Variants in PCDH15 observed in about 807,000 individuals in gnomAD.
PCDH15 encodes the protein protocadherin-15.
A neutral mutation model predicts 178.5 loss-of-function variants in PCDH15; 129 were observed. That is an observed-to-expected ratio of 0.72 (90% CI 0.63 to 0.84). The LOEUF (loss-of-function observed/expected upper bound fraction) is 0.84, where lower values mean the gene tolerates loss of function less well. Among genes scored for constraint, PCDH15 ranks in the 40% least tolerant of loss-of-function variants. The pLI, the probability that PCDH15 is intolerant of heterozygous loss-of-function variation, is 0.00. For synonymous variants in PCDH15, 800 were observed against 732.0 expected (o/e 1.09, Z -1.50); for missense variants, 2,230 against 2,099.9 (o/e 1.06, Z -1.21).
intron 2 of PCDH15, among the ~76,000 whole-genome samples, chr10:54,921,541 T>C (rs1349471397): frequency 6.6e-6 from 1 of 152,106 alleles, no homozygotes; most frequent in South Asian, 2.1e-4. Context: ...TGTCCATGTG[T>C]TCTCAACATT....
rs1201209566 is a variant in PCDH15, at chr10:54,195,763, GGGCAGATTCCAGGATATAGCCTT to G, written c.1202_1224del (p.Gln401ProfsTer39). The stretch of plus-strand genomic sequence containing the variant: ...CTGTCCGAAATGGTTGCTCCCACTG[GGGCAGATTCCAGGATATAGCCTT>G]GATAACTGGGCATTGTAAAATATGG... On this transcript the variant is annotated frameshift_variant, in exon 11 of 38. Coordinates refer to ENST00000644397, the MANE Select transcript of PCDH15 (RefSeq NM_001384140.1). LOFTEE classifies it high-confidence loss of function. 1 of 1,613,924 alleles carries G rather than the reference GGGCAGATTCCAGGATATAGCCTT, an allele frequency of 6.2e-7. No individual in the cohort carries two copies. Among genetic ancestry groups the G allele is most frequent in the East Asian group, 2.2e-5 (1 of 44,878 alleles).
At chr10:54,024,003 G>A (rs2093008028) in intron 18 of PCDH15, among the ~76,000 whole-genome samples, 1 of 152,066 alleles carries the variant, frequency 6.6e-6, no homozygotes, top group Non-Finnish European at 1.5e-5. Flanking sequence ...TAACTGTAAT[G>A]TATGTGCAAG....
chr10:54,104,068 G>T (rs1450843014), intron 15 of PCDH15, among the ~76,000 whole-genome samples: 1 of 152,174 alleles, frequency 6.6e-6, no homozygotes, highest in African/African-American at 2.4e-5. Context: ...TGTTGGGGCT[G>T]GCTCCTGAGG....
chr10:53,918,849 T>C (rs943150929), intron 25 of PCDH15, among the ~76,000 whole-genome samples: 2 of 152,128 alleles, frequency 1.3e-5, no homozygotes, highest in African/African-American at 4.8e-5. Context: ...TATTACTGTA[T>C]AGTTTGTAGG....
chr10:55,430,451 C>T (rs749559543), intron 2 of PCDH15, among the ~76,000 whole-genome samples: 1 of 152,078 alleles, frequency 6.6e-6, no homozygotes, highest in African/African-American at 2.4e-5. Context: ...ATGTAATATT[C>T]AGTAGAATTT....
At chr10:54,885,125 A>G (rs1323727045) in intron 3 of PCDH15, among the ~76,000 whole-genome samples, 2 of 152,102 alleles carry the variant, frequency 1.3e-5, no homozygotes, top group Non-Finnish European at 2.9e-5. Context: ...TGAATGAATG[A>G]TCTTGAAAAT....
chr10:54,368,194 T>A (rs535966200), intron 5 of PCDH15, among the ~76,000 whole-genome samples: 1 of 152,132 alleles, frequency 6.6e-6, no homozygotes, highest in Non-Finnish European at 1.5e-5. Context: ...AACACAAGAA[T>A]GTTGAAATAA....
chr10:55,104,946 T>C (rs1464626702), intron 2 of PCDH15, among the ~76,000 whole-genome samples: 2 of 152,140 alleles, frequency 1.3e-5, no homozygotes, highest in African/African-American at 2.4e-5. Flanking sequence ...CCTCATGGGG[T>C]GTTTTAAGCA....
intron 32 of PCDH15, chr10:53,823,709 C>A: frequency 2.2e-6 from 1 of 451,344 alleles, no homozygotes; most frequent in Non-Finnish European, 4.3e-6. Flanking sequence ...AATCACAGTT[C>A]TTCCCATTGC....
At chr10:54,895,282 G>A (rs1299550730) in intron 3 of PCDH15, among the ~76,000 whole-genome samples, 2 of 151,994 alleles carry the variant, frequency 1.3e-5, no homozygotes, top group African/African-American at 2.4e-5. Context: ...TACTGCCTCA[G>A]GGATTATACT....
chr10:55,170,025 C>G (rs1839290225), intron 1 of PCDH15, among the ~76,000 whole-genome samples: 1 of 151,936 alleles, frequency 6.6e-6, no homozygotes, highest in African/African-American at 2.4e-5. Flanking sequence ...GGAGGAAGGA[C>G]ATTAAGTAGG....
At chr10:55,485,072 G>A (rs544876154) in intron 2 of PCDH15, among the ~76,000 whole-genome samples, 2 of 151,698 alleles carry the variant, frequency 1.3e-5, no homozygotes, top group South Asian at 2.1e-4. Context: ...GCCCAGCAAA[G>A]GAAACAATCA....
At position 54,486,895 on chromosome 10, in the gene PCDH15, G is replaced by A. The variant is rs369553489; in HGVS notation, c.157+40917C>T. Among the ~76,000 whole-genome samples the A allele has an allele frequency of 1.7e-4, 26 of 152,102 alleles. No individual in the cohort carries two copies. The East Asian group carries it at 4.6e-3, about 27-fold the overall frequency. On this transcript the variant is annotated intron_variant, in intron 3 of 37. Coordinates refer to ENST00000644397, the MANE Select transcript of PCDH15 (RefSeq NM_001384140.1). ...AGTTTAAGCAGCCATTATAGACCATGAGATTAAGGATTAGACCGTGGCCAT... is the reference window on the plus strand; with the variant it reads ...AGTTTAAGCAGCCATTATAGACCATAAGATTAAGGATTAGACCGTGGCCAT...
chr10:55,295,278 G>C (rs1843104361), intron 1 of PCDH15, among the ~76,000 whole-genome samples: 1 of 152,052 alleles, frequency 6.6e-6, no homozygotes, highest in Non-Finnish European at 1.5e-5. Context: ...TACATCAAAA[G>C]CAAAACCAGT....
At chr10:54,400,141 TC>T (rs1951752739) in intron 3 of PCDH15, among the ~76,000 whole-genome samples, 1 of 152,096 alleles carries the variant, frequency 6.6e-6, no homozygotes, top group African/African-American at 2.4e-5. Flanking sequence ...AACTTAGAAG[TC>T]CTCTGTGTCT....
chr10:55,494,004 T>G (rs959717850), intron 2 of PCDH15, among the ~76,000 whole-genome samples: 6 of 151,884 alleles, frequency 4.0e-5, no homozygotes, highest in Non-Finnish European at 7.4e-5. Context: ...GAATCCATTT[T>G]AATTTTTAAG....
At chr10:54,755,237 T>G (rs67420909) in intron 1 of PCDH15, among the ~76,000 whole-genome samples, 8,499 of 152,160 alleles carry the variant, frequency 0.056, 256 homozygotes, top group East Asian at 0.097. Flanking sequence ...CAGCCAGGTT[T>G]CCCTTTATGC....
intron 3 of PCDH15, among the ~76,000 whole-genome samples, chr10:54,829,934 T>C (rs1184120511): frequency 6.6e-6 from 1 of 152,052 alleles, no homozygotes; most frequent in Non-Finnish European, 1.5e-5. Context: ...TGTGGAGAAA[T>C]CTCCCCATCT....
At chr10:55,216,390 A>C (rs1030562595) in intron 1 of PCDH15, among the ~76,000 whole-genome samples, 1 of 151,926 alleles carries the variant, frequency 6.6e-6, no homozygotes, top group African/African-American at 2.4e-5. Context: ...TCAATTTTTA[A>C]ATAAAAATTT....
Sources: allele counts gnomAD v4.1 joint callset (sites outside exome capture counted in the v4.1 genomes callset), GRCh38; gene constraint gnomAD v4.1.1; transcripts MANE v1.5; gene names NCBI Gene and HGNC (gene_info 2026-07-23, HGNC 2026-07-21).